Variants in ABCA13 observed in about 807,000 individuals in gnomAD.
The protein encoded by ABCA13 is ATP binding cassette subfamily A member 13.
A neutral mutation model predicts 478.7 loss-of-function variants in ABCA13; 476 were observed. The observed-to-expected ratio is 0.99, with a 90% CI of 0.92 to 1.07. ABCA13 has a LOEUF of 1.07. Ranked by LOEUF, ABCA13 falls within the 50% of genes least tolerant of loss-of-function variation. The pLI is 0.00. For synonymous variants in ABCA13, 2,252 were observed against 2,158.9 expected (o/e 1.04, Z -1.20); for missense variants, 6,060 against 5,910.6 (o/e 1.03, Z -0.83).
At chr7:48,325,457 T>A (rs1372666258) in intron 27 of ABCA13, among the ~76,000 whole-genome samples, 1 of 152,164 alleles carries the variant, frequency 6.6e-6, no homozygotes, top group Non-Finnish European at 1.5e-5. Context: ...GGCTTTTTTT[T>A]CTTTTTCAAA....
intron 1 of ABCA13, among the ~76,000 whole-genome samples, chr7:48,189,764 A>G (rs531604509): frequency 6.6e-6 from 1 of 152,332 alleles, no homozygotes; most frequent in East Asian, 1.9e-4. Flanking sequence ...ATATCCAGAT[A>G]CTATAAATAA....
chr7:48,264,981 G>A (rs1794684148), intron 15 of ABCA13, among the ~76,000 whole-genome samples: 1 of 151,620 alleles, frequency 6.6e-6, no homozygotes, highest in Non-Finnish European at 1.5e-5. Flanking sequence ...ATATACTGAA[G>A]TTTATTATGA....
At chr7:48,229,278 C>T (rs965805366) in intron 6 of ABCA13, among the ~76,000 whole-genome samples, 1 of 152,058 alleles carries the variant, frequency 6.6e-6, no homozygotes, top group African/African-American at 2.4e-5. Context: ...TGTAGATTCT[C>T]CCTCCCCAAA....
At chr7:48,439,505 T>C (rs1306861681) in intron 42 of ABCA13, among the ~76,000 whole-genome samples, 2 of 152,214 alleles carry the variant, frequency 1.3e-5, no homozygotes, top group African/African-American at 4.8e-5. Context: ...AAATAATGTG[T>C]ATGTCCAGTT....
chr7:48,319,483 G>T (rs753417829), intron 27 of ABCA13, among the ~76,000 whole-genome samples: 3 of 152,146 alleles, frequency 2.0e-5, no homozygotes, highest in African/African-American at 7.2e-5. Flanking sequence ...GCTGGGAGAC[G>T]CTTGTAGGTT....
rs1481880906 is a variant in ABCA13 at position 48,274,730 on chromosome 7, C to A, written c.5064C>A (p.Asn1688Lys). 5.0e-6 allele frequency: 8 copies of A among 1,613,800 alleles called. No individual in the cohort carries two copies. The highest frequency in any genetic ancestry group is 1.3e-5 in the African/African-American group (1 of 74,900). Residue 1688 changes from asparagine (N) to lysine (K), a missense_variant, in exon 17 of 62, where the codon AAC becomes AAA. Asn to Lys is a moderately conservative substitution (Grantham distance 94). This residue lies in a region of ABCA13 where 4,423 missense variants were observed against 4,309.1 expected (regional missense o/e 1.03). Coordinates refer to ENST00000435803, the MANE Select transcript of ABCA13 (RefSeq NM_152701.5). ...LVDQLEQVSV[N>K]LMDFFKNISS... ...ATCAGCTTGAACAAGTTAGTGTAAA[C>A]CTAATGGATTTCTTTAAGAATATCA... is the stretch of plus-strand genomic sequence containing the variant.
At chr7:48,234,654 C>T (rs529827717) in intron 8 of ABCA13, among the ~76,000 whole-genome samples, 4 of 152,296 alleles carry the variant, frequency 2.6e-5, no homozygotes, top group South Asian at 4.2e-4. Flanking sequence ...ACTGGATGAT[C>T]GATCCCCAAG....
chr7:48,308,377 A>G (rs1801227717), intron 23 of ABCA13, among the ~76,000 whole-genome samples: 1 of 152,212 alleles, frequency 6.6e-6, no homozygotes, highest in Non-Finnish European at 1.5e-5. Flanking sequence ...TAGAAAGAGT[A>G]TACTCTAAAA....
chr7:48,540,096 G>A (rs993268690), intron 55 of ABCA13, among the ~76,000 whole-genome samples: 1 of 152,058 alleles, frequency 6.6e-6, no homozygotes, highest in Non-Finnish European at 1.5e-5. Flanking sequence ...TGCTGTATGG[G>A]ATTGAATCTC....
At chr7:48,617,814 G>A (rs563973766) in intron 59 of ABCA13, among the ~76,000 whole-genome samples, 2 of 152,208 alleles carry the variant, frequency 1.3e-5, no homozygotes, top group South Asian at 4.2e-4. Flanking sequence ...CAGTTCACTC[G>A]GACAAAGCAG....
In ABCA13 at chr7:48,278,214, G is replaced by A. The variant is rs768266093; in HGVS notation, c.7020G>A (p.Met2340Ile). 4.4e-6 allele frequency: 7 copies of A among 1,603,966 alleles called. No individual in the cohort carries two copies. The highest frequency in any genetic ancestry group is 1.7e-4 in the Middle Eastern group (1 of 6,036). Residue 2340 changes from methionine to isoleucine, a missense_variant, in exon 18 of 62, where the codon ATG (methionine) becomes ATA (isoleucine). This residue lies in a region of ABCA13 where 4,423 missense variants were observed against 4,309.1 expected (regional missense o/e 1.03). Transcript: ENST00000435803. ...SSLKETIYHLMKSSFILDNGE... is the reference protein window; with the variant it reads ...SSLKETIYHLIKSSFILDNGE... Reference sequence around the variant, plus strand: ...TAAAGGAGACTATATATCACCTAATGAAAAGTTCATTTATATTAGACAATG... The same window carrying A: ...TAAAGGAGACTATATATCACCTAATAAAAAGTTCATTTATATTAGACAATG...
chr7:48,518,307 C>A (rs1396521000), intron 52 of ABCA13, among the ~76,000 whole-genome samples: 1 of 152,258 alleles, frequency 6.6e-6, no homozygotes, highest in Non-Finnish European at 1.5e-5. Context: ...AAGAGACTCA[C>A]AGTAGATAAT....
chr7:48,493,427 T>C (rs575910468), intron 48 of ABCA13, among the ~76,000 whole-genome samples: 1 of 152,334 alleles, frequency 6.6e-6, no homozygotes, highest in East Asian at 1.9e-4. Context: ...AGGAAATTTC[T>C]TTTAATAAGA....
At chr7:48,321,949 G>T (rs949364047) in intron 27 of ABCA13, among the ~76,000 whole-genome samples, 1 of 152,184 alleles carries the variant, frequency 6.6e-6, no homozygotes, top group African/African-American at 2.4e-5. Context: ...AACATCAGGG[G>T]GTTTGAGCAT....
At chr7:48,399,816 G>C (rs1817346780) in intron 38 of ABCA13, among the ~76,000 whole-genome samples, 1 of 152,126 alleles carries the variant, frequency 6.6e-6, no homozygotes, top group Non-Finnish European at 1.5e-5. Context: ...AGGTGGGGAA[G>C]GTCACAGTGA....
intron 59 of ABCA13, among the ~76,000 whole-genome samples, chr7:48,638,735 G>GA (rs1433636745): frequency 3.9e-5 from 6 of 152,124 alleles, no homozygotes; most frequent in East Asian, 3.9e-4. Context: ...GAGTGACAAA[G>GA]AAAAAATCTC....
Position 48,397,476 on chromosome 7 carries a change from T to TA in ABCA13, c.11873+5349dup, listed in dbSNP as rs1166767759. Reference sequence around the variant, plus strand: ...CTTATAATAAAAAAAATTAAAATTGTAAAAAAAAAAAAGAATATGGTAGAG... The same window carrying TA: ...CTTATAATAAAAAAAATTAAAATTGTAAAAAAAAAAAAAGAATATGGTAGAG... On this transcript the variant is annotated intron_variant, in intron 38 of 61. Coordinates refer to ENST00000435803, the MANE Select transcript of ABCA13 (RefSeq NM_152701.5). Among the ~76,000 whole-genome samples the TA allele has an allele frequency of 6.6e-3, 938 of 142,310 alleles. 6 individuals carry two copies. The highest frequency in any genetic ancestry group is 0.011 in the Middle Eastern group (3 of 282). The allele number at this position is 142,310 out of a possible 152,430, so 93.4% of individuals were successfully genotyped here. A position where few individuals can be genotyped will look rare whatever the true frequency, so the allele number is the denominator to read the frequency against.
At chr7:48,584,227 C>A (rs532251814) in intron 56 of ABCA13, among the ~76,000 whole-genome samples, 180 of 152,272 alleles carry the variant, frequency 1.2e-3, no homozygotes, top group African/African-American at 4.1e-3. Flanking sequence ...CACACATTTT[C>A]ATTCTCTTTT....
chr7:48,314,118 A>T, intron 25 of ABCA13, 114 bp from the exon 26 acceptor site: 1 of 1,192,340 alleles, frequency 8.4e-7, no homozygotes, highest in Non-Finnish European at 1.2e-6. Flanking sequence ...CATTCTTTTG[A>T]CTTGTTGAAT....
Sources: allele counts gnomAD v4.1 joint callset (sites outside exome capture counted in the v4.1 genomes callset), GRCh38; gene constraint gnomAD v4.1.1; regional missense constraint gnomAD v4.1.1; transcripts MANE v1.5; gene names NCBI Gene and HGNC (gene_info 2026-07-23, HGNC 2026-07-21).